UCHL5: variants seen among roughly 807,000 people sequenced by gnomAD.
UCHL5 encodes the protein ubiquitin C-terminal hydrolase L5.
A neutral mutation model predicts 53.8 loss-of-function variants in UCHL5; 34 were observed. The observed-to-expected ratio is 0.63, with a 90% CI of 0.48 to 0.84. The LOEUF (loss-of-function observed/expected upper bound fraction) is 0.84, where lower values mean the gene tolerates loss of function less well. UCHL5 is among the 40% of genes least tolerant of loss of function. The probability of loss-of-function intolerance (pLI) is 0.00; values close to 1 mark genes in which losing one functional copy is unlikely to be tolerated. For missense variants in UCHL5, 290 were observed against 385.6 expected (o/e 0.75, Z 2.08); for synonymous variants, 111 against 126.3 (o/e 0.88, Z 0.81).
intron 3 of UCHL5, among the ~76,000 whole-genome samples, chr1:193,047,276 G>A (rs1667630919): frequency 6.6e-6 from 1 of 151,994 alleles, no homozygotes. Context: ...TGATTAAATG[G>A]ATGAGTCAAA....
In UCHL5 at chr1:193,023,840, G is replaced by A. The variant is rs112462491; in HGVS notation, c.732+4C>T. ...ACTTTGTACTTAGAAACATGGCCAC[G>A]AACCTCTGCAAGTTGTCTTTGTAAC... is the stretch of plus-strand genomic sequence containing the variant. On this transcript the variant is annotated splice_donor_region_variant and intron_variant, in intron 8 of 10. Coordinates refer to ENST00000367454, the MANE Select transcript of UCHL5 (RefSeq NM_001199261.3). The A allele has an allele frequency of 1.0e-3, 1,637 of 1,608,118 alleles. 12 individuals carry two copies. The highest frequency in any genetic ancestry group is 9.6e-3 in the African/African-American group (721 of 74,728).
rs1252479821 is a variant in UCHL5, at chr1:193,036,130, C to T, written c.247-6473G>A. Among the ~76,000 whole-genome samples, 6 of 151,362 alleles carry T rather than the reference C, an allele frequency of 4.0e-5. No homozygotes were observed. The East Asian group carries it at 1.2e-3, about 29-fold the overall frequency. ...AAGCAACAAAATGGGAGTAATAAGT[C>T]CTCACTTATCAATAATAACACTGAA... is the stretch of plus-strand genomic sequence containing the variant. On this transcript the variant is annotated intron_variant, in intron 3 of 10. Transcript: ENST00000367454.
intron 10 of UCHL5, 131 bp from the exon 11 acceptor site, chr1:193,016,526 ATTATGTT>A: frequency 1.3e-6 from 1 of 745,972 alleles, no homozygotes; most frequent in Non-Finnish European, 2.0e-6. Flanking sequence ...CTTCTAAAGC[ATTATGTT>A]TTATAACTTG....
Position 193,029,595 on chromosome 1 carries a change from C to T in UCHL5, c.309G>A (p.Gln103=), listed in dbSNP as rs767106872. ...IVSVLLNCTH[Q]DVHLGETLSE... is the part of the protein sequence containing the mutation. ...ATAATGTCTCGCCTAAATGGACATC[C>T]TGGTGGGTACAGTTCAGTAACACAC... The change falls in exon 4 of 11, where the codon CAG becomes CAA. Residue 103 remains glutamine (Q), a synonymous_variant. Coordinates refer to ENST00000367454, the MANE Select transcript of UCHL5 (RefSeq NM_001199261.3). 1 of 1,613,362 alleles carries T rather than the reference C, an allele frequency of 6.2e-7. No individual in the cohort carries two copies. Among genetic ancestry groups the T allele is most frequent in the Non-Finnish European group, 8.5e-7 (1 of 1,179,638 alleles).
chr1:193,016,434 T>A (rs1021673711), intron 10 of UCHL5, 39 bp from the exon 11 acceptor site: 3 of 1,579,386 alleles, frequency 1.9e-6, no homozygotes, highest in African/African-American at 2.7e-5. Flanking sequence ...ATTTTAAAAG[T>A]CAGTTTTAGA....
chr1:193,059,620 C>T, upstream of UCHL5: 1 of 1,415,092 alleles, frequency 7.1e-7, no homozygotes, highest in Non-Finnish European at 9.5e-7. This position sits in a 1 kb window ranked among gnomAD's most constrained non-coding sequence, Gnocchi z 4.9. Context: ...GGACTCGTTC[C>T]CGGGAACCGA....
intron 1 of UCHL5, among the ~76,000 whole-genome samples, chr1:193,054,180 C>T (rs947640819): frequency 2.0e-5 from 3 of 152,110 alleles, no homozygotes; most frequent in African/African-American, 7.2e-5. Flanking sequence ...TGTATTATAC[C>T]GATGGGTCTA....
intron 3 of UCHL5, among the ~76,000 whole-genome samples, chr1:193,046,493 C>A (rs1667361996): frequency 6.6e-6 from 1 of 151,990 alleles, no homozygotes; most frequent in Admixed American, 6.5e-5. Context: ...GGTTTGCACC[C>A]TAGCTCTGCC....
At chr1:193,020,572 C>A in intron 10 of UCHL5, 1 of 1,164,820 alleles carries the variant, frequency 8.6e-7, no homozygotes, top group Non-Finnish European at 1.1e-6. Context: ...ACTTATTCAA[C>A]AAATATTTTA....
chr1:193,019,489 A>G (rs1372163292), intron 10 of UCHL5, among the ~76,000 whole-genome samples: 1 of 151,708 alleles, frequency 6.6e-6, no homozygotes, highest in Non-Finnish European at 1.5e-5. Context: ...ATAAGAAATA[A>G]ATCTATCTCA....
chr1:193,023,736 C>G, intron 8 of UCHL5, 108 bp downstream of exon 8: 3 of 825,620 alleles, frequency 3.6e-6, no homozygotes, highest in Non-Finnish European at 5.7e-6. Flanking sequence ...AGTGTGTATT[C>G]GCTTAGCCAC....
At chr1:193,023,765 A>G (rs1658045294) in intron 8 of UCHL5, 79 bp downstream of exon 8, 1 of 1,068,628 alleles carries the variant, frequency 9.4e-7, no homozygotes, top group Non-Finnish European at 1.4e-6. Context: ...CCACTTGATT[A>G]TATATATATT....
In UCHL5 at chr1:193,044,265, T is replaced by C. The variant is rs1404096795; in HGVS notation, c.246+5481A>G. On this transcript the variant is annotated intron_variant, in intron 3 of 10. Coordinates refer to ENST00000367454, the MANE Select transcript of UCHL5 (RefSeq NM_001199261.3). ...TTTGAGGGCAGGAATCATGGCACTT[T>C]TTCATTCTCCAAGCACCACAGTATC... Among the ~76,000 whole-genome samples, 4 of 152,198 alleles carry C rather than the reference T, an allele frequency of 2.6e-5. No homozygotes were observed. The East Asian group carries it at 5.8e-4, about 22-fold the overall frequency.
chr1:193,026,364 C>T (rs996306869), intron 7 of UCHL5, among the ~76,000 whole-genome samples: 2 of 152,064 alleles, frequency 1.3e-5, no homozygotes, highest in African/African-American at 2.4e-5. Context: ...AGTGGATGGG[C>T]TACAGACTGG....
chr1:193,059,364 A>T (rs1043203307), upstream of UCHL5: 1 of 1,606,958 alleles, frequency 6.2e-7, no homozygotes. This position sits in a 1 kb window ranked among gnomAD's most constrained non-coding sequence, Gnocchi z 4.9. Context: ...CGAGCTCGTC[A>T]ACCACACGTC....
intron 3 of UCHL5, among the ~76,000 whole-genome samples, chr1:193,038,490 G>A (rs868514646): frequency 1.6e-4 from 24 of 149,706 alleles, no homozygotes; most frequent in African/African-American, 5.4e-4. Flanking sequence ...TTTCCTCTAA[G>A]ATCAGGAACA....
chr1:193,031,411 TATTTTAGG>T (rs1236717545), intron 3 of UCHL5, among the ~76,000 whole-genome samples: 3 of 152,140 alleles, frequency 2.0e-5, no homozygotes, highest in African/African-American at 7.2e-5. Flanking sequence ...TGTAATCCAT[TATTTTAGG>T]ATTTTAAGAA....
chr1:193,052,563 G>A (rs1669392116), intron 1 of UCHL5, among the ~76,000 whole-genome samples: 1 of 152,178 alleles, frequency 6.6e-6, no homozygotes, highest in African/African-American at 2.4e-5. Flanking sequence ...CTAGCGTACA[G>A]TAGTAATCGT....
Position 193,029,380 on chromosome 1 carries a change from C to T in UCHL5, c.434+8G>A. 1 of 1,613,620 alleles carries T rather than the reference C, an allele frequency of 6.2e-7. No homozygotes were observed. The highest frequency in any genetic ancestry group is 8.5e-7 in the Non-Finnish European group (1 of 1,179,788). ...AAACAGTATTTATTTAACATAAAGT[C>T]TCTTTACCTGGCGAAACTGTTGTGT... On this transcript the variant is annotated splice_region_variant and intron_variant, in intron 5 of 10. Coordinates refer to ENST00000367454, the MANE Select transcript of UCHL5 (RefSeq NM_001199261.3).
Sources: allele counts gnomAD v4.1 joint callset (sites outside exome capture counted in the v4.1 genomes callset), GRCh38; gene constraint gnomAD v4.1.1; non-coding constraint Gnocchi (gnomAD v3.1); transcripts MANE v1.5; gene names NCBI Gene and HGNC (gene_info 2026-07-23, HGNC 2026-07-21).